Variants in RALGAPB observed in about 807,000 individuals in gnomAD.
The protein encoded by RALGAPB is ral GTPase-activating protein subunit beta.
In RALGAPB, 25 loss-of-function variants were observed where a neutral mutation model predicts 161.1. The observed-to-expected ratio is 0.16, with a 90% CI of 0.11 to 0.22. The LOEUF is 0.22. RALGAPB is among the 10% of genes least tolerant of loss of function. The pLI, the probability that RALGAPB is intolerant of heterozygous loss-of-function variation, is 1.00. For missense variants in RALGAPB, 1,391 were observed against 1,815.2 expected, an observed-to-expected ratio of 0.77 and a Z score of 4.25; for synonymous variants, 629 against 626.1, an observed-to-expected ratio of 1.00 and a Z score of -0.07.
At chr20:38,535,287 T>C in intron 16 of RALGAPB, 80 bp downstream of exon 16, 1 of 1,485,460 alleles carries the variant, frequency 6.7e-7, no homozygotes, top group Non-Finnish European at 9.2e-7. Context: ...ACCCCTTGTG[T>C]GGGTATTTTA....
chr20:38,538,872 C>T (rs1330264569), intron 16 of RALGAPB, among the ~76,000 whole-genome samples: 1 of 152,132 alleles, frequency 6.6e-6, no homozygotes, highest in Non-Finnish European at 1.5e-5. Flanking sequence ...CATACACCTA[C>T]ATATGACCCA....
Position 38,539,812 on chromosome 20 carries a change from G to A in RALGAPB, c.2416G>A (p.Ala806Thr). The A allele has an allele frequency of 6.2e-7, 1 of 1,613,914 alleles. No individual in the cohort carries two copies. Among genetic ancestry groups the A allele is most frequent in the Non-Finnish European group, 8.5e-7 (1 of 1,179,882 alleles). Residue 806 changes from alanine to threonine, a missense_variant, in exon 17 of 30, where the codon GCC becomes ACC. Ala to Thr is a moderately conservative substitution (Grantham distance 58). Transcript: ENST00000262879. ...GGTTGACTCAGGAGACCGGAAGCGA[G>A]CCATCAGTTCTGTGTGCACCTACAT... ...VMVDSGDRKRAISSVCTYIVY... is the reference protein window; with the variant it reads ...VMVDSGDRKRTISSVCTYIVY...
chr20:38,511,867 G>A (rs149983483), intron 6 of RALGAPB, among the ~76,000 whole-genome samples: 5,957 of 152,200 alleles, frequency 0.039, 190 homozygotes, highest in African/African-American at 0.091. Flanking sequence ...ACGGGGTGGC[G>A]GCCGGGCAGA....
chr20:38,517,169 AG>A (rs1413166242), intron 7 of RALGAPB, among the ~76,000 whole-genome samples: 1 of 152,212 alleles, frequency 6.6e-6, no homozygotes, highest in Non-Finnish European at 1.5e-5. Flanking sequence ...TCCAGGAATT[AG>A]GAAGGAAGGA....
At chr20:38,535,258 G>GT (rs767075723) in intron 16 of RALGAPB, 51 bp downstream of exon 16, 9 of 1,585,410 alleles carry the variant, frequency 5.7e-6, no homozygotes, top group East Asian at 2.2e-5. Context: ...GGCCTTGGCT[G>GT]TTTTTTCTGT....
intron 20 of RALGAPB, among the ~76,000 whole-genome samples, chr20:38,549,370 G>A (rs2087282610): frequency 6.6e-6 from 1 of 151,576 alleles, no homozygotes; most frequent in Admixed American, 6.6e-5. Flanking sequence ...TGAGACTGTA[G>A]GCACATGCCA....
intron 16 of RALGAPB, 145 bp from the exon 17 acceptor site, chr20:38,539,629 CTG>C: frequency 1.6e-6 from 1 of 634,330 alleles, no homozygotes; most frequent in Non-Finnish European, 2.6e-6. Flanking sequence ...CTGAAATAAT[CTG>C]TTCCTGTATA....
Position 38,574,909 on chromosome 20 carries a change from A to G in RALGAPB, c.4427A>G (p.Glu1476Gly). ...IVNKYRNKQL[E>G]PEFYTSLFQE... ...AACAAGTACCGGAACAAGCAGCTGG[A>G]GCCAGAGTTTTATACTTCACTTTTC... Residue 1476 changes from glutamate (E) to glycine (G), a missense_variant, in exon 30 of 30, where the codon GAG (glutamate) becomes GGG (glycine). Transcript: ENST00000262879. 1 of 1,614,116 alleles carries G rather than the reference A, an allele frequency of 6.2e-7. No homozygotes were observed. The highest frequency in any genetic ancestry group is 8.5e-7 in the Non-Finnish European group (1 of 1,179,948).
At position 38,539,896 on chromosome 20, in the gene RALGAPB, G is replaced by C; in HGVS notation, c.2500G>C (p.Val834Leu). 6.2e-7 allele frequency: 1 copy of C among 1,614,130 alleles called. No homozygotes were observed. The highest frequency in any genetic ancestry group is 8.5e-7 in the Non-Finnish European group (1 of 1,179,978). Reference protein sequence around the residue: ...LHSRDLHSMIVAAFQCLCVWL... With the variant: ...LHSRDLHSMILAAFQCLCVWL... ...CTCCAGGGATCTGCACTCCATGATA[G>C]TGGCAGCTTTTCAGTGTCTCTGTGT... Residue 834 changes from valine to leucine, a missense_variant, in exon 17 of 30, where the codon GTG becomes CTG. Around this residue, in one of 3 missense-constraint regions of RALGAPB, gnomAD observed 946 missense variants for 1,257.2 expected, o/e 0.75. Transcript: ENST00000262879.
Position 38,569,729 on chromosome 20 carries a change from C to T in RALGAPB, c.3955-159C>T, listed in dbSNP as rs550073190. 6.0e-5 allele frequency: 35 copies of T among 583,574 alleles called. 1 individual carries two copies. In the South Asian group the frequency reaches 7.8e-4, roughly 13 times the overall value. The allele number at this position is 583,574 out of a possible 1,614,324, so 36.1% of individuals were successfully genotyped here. ...CTGATGAACAGGAGCCAAAGAAGAG[C>T]TTTGTTGCAAATGTATACACTTTTT... On this transcript the variant is annotated intron_variant, in intron 26 of 29. Coordinates refer to ENST00000262879, the MANE Select transcript of RALGAPB (RefSeq NM_020336.4).
chr20:38,540,264 T>C (rs1403952242), intron 17 of RALGAPB, among the ~76,000 whole-genome samples: 1 of 152,236 alleles, frequency 6.6e-6, no homozygotes, highest in Non-Finnish European at 1.5e-5. Context: ...TAGTAGGCAC[T>C]TTGGTCACCC....
chr20:38,555,055 G>T (rs910823679), intron 22 of RALGAPB, among the ~76,000 whole-genome samples: 5 of 152,174 alleles, frequency 3.3e-5, no homozygotes, highest in African/African-American at 1.2e-4. Flanking sequence ...CTCCACTCCA[G>T]CCTGGTTGAC....
intron 9 of RALGAPB, among the ~76,000 whole-genome samples, chr20:38,518,315 A>G (rs1283266263): frequency 6.6e-6 from 1 of 152,204 alleles, no homozygotes; most frequent in Admixed American, 6.5e-5. Context: ...GTCAGCCAGG[A>G]TAATAAAATT....
chr20:38,501,626 A>G (rs2085598129), intron 5 of RALGAPB, among the ~76,000 whole-genome samples: 1 of 151,968 alleles, frequency 6.6e-6, no homozygotes, highest in South Asian at 2.1e-4. Flanking sequence ...CTGGTCTCCA[A>G]CTCCTAGTCT....
chr20:38,490,995 C>T (rs1018850919), intron 2 of RALGAPB, among the ~76,000 whole-genome samples: 2 of 152,176 alleles, frequency 1.3e-5, no homozygotes, highest in Non-Finnish European at 2.9e-5. Context: ...AAGATATCTT[C>T]TTGGTTTTTC....
intron 6 of RALGAPB, among the ~76,000 whole-genome samples, chr20:38,509,907 C>CT (rs1189592691): frequency 2.6e-5 from 4 of 151,996 alleles, no homozygotes; most frequent in Admixed American, 6.6e-5. Flanking sequence ...GTATGTTAAT[C>CT]TTTTTTTATC....
chr20:38,539,729 A>G (rs1600990655), intron 16 of RALGAPB, 47 bp from the exon 17 acceptor site: 1 of 1,580,934 alleles, frequency 6.3e-7, no homozygotes, highest in Non-Finnish European at 8.7e-7. Context: ...AAATTGGTAC[A>G]GTAATTCCTG....
At chr20:38,564,742 A>G (rs2087921662) in intron 24 of RALGAPB, among the ~76,000 whole-genome samples, 2 of 152,200 alleles carry the variant, frequency 1.3e-5, no homozygotes, top group Non-Finnish European at 2.9e-5. Context: ...AAGGTGGAAC[A>G]TAGGCCAACT....
At chr20:38,518,971 A>G (rs545432977) in intron 9 of RALGAPB, among the ~76,000 whole-genome samples, 10 of 152,232 alleles carry the variant, frequency 6.6e-5, no homozygotes, top group Non-Finnish European at 1.5e-4. Flanking sequence ...AGCTGTTACT[A>G]TAATTCTTAG....
Sources: gnomAD v4.1 joint callset for allele counts (sites outside exome capture counted in the v4.1 genomes callset) on GRCh38, gnomAD v4.1.1 for gene constraint, gnomAD v4.1.1 regional missense constraint, MANE v1.5 for transcripts, NCBI Gene and HGNC (gene_info 2026-07-23, HGNC 2026-07-21) for gene names.